The following ATAD2 variants were observed in gnomAD, a reference collection of about 807,000 sequenced individuals.
ATAD2 encodes ATPase family AAA domain-containing protein 2.
Under a neutral mutation model 168.9 loss-of-function variants are expected in ATAD2, and 62 were observed. The ratio of observed to expected loss-of-function variants is 0.37; its 90% CI spans 0.30 to 0.45. ATAD2 has a LOEUF of 0.45. ATAD2 is among the 20% of genes least tolerant of loss of function. The pLI is 1.00. For synonymous variants in ATAD2, 613 were observed against 571.6 expected, an observed-to-expected ratio of 1.07 and a Z score of -1.03; for missense variants, 1,419 against 1,667.8, an observed-to-expected ratio of 0.85 and a Z score of 2.60.
At chr8:123,358,020 T>C (rs1402433989) in intron 11 of ATAD2, among the ~76,000 whole-genome samples, 1 of 152,232 alleles carries the variant, frequency 6.6e-6, no homozygotes, top group African/African-American at 2.4e-5. Flanking sequence ...TGTAATCACA[T>C]ATCACAATCA....
chr8:123,348,801 A>G (rs994810996), intron 14 of ATAD2, among the ~76,000 whole-genome samples: 16 of 152,346 alleles, frequency 1.1e-4, no homozygotes, highest in Admixed American at 8.5e-4. Flanking sequence ...TTATAGCACT[A>G]AAGTTATATT....
At chr8:123,335,685 T>C (rs1827895176) in intron 22 of ATAD2, among the ~76,000 whole-genome samples, 1 of 152,180 alleles carries the variant, frequency 6.6e-6, no homozygotes, top group Non-Finnish European at 1.5e-5. Context: ...ACATTTTATT[T>C]TTAAAAATTT....
At chr8:123,391,158 A>G (rs1343966687) in intron 1 of ATAD2, among the ~76,000 whole-genome samples, 1 of 152,160 alleles carries the variant, frequency 6.6e-6, no homozygotes. Context: ...CAGACCTTAG[A>G]AAACAAAGAA....
In ATAD2 at chr8:123,390,695, T is replaced by C. The variant is rs568225866; in HGVS notation, c.171+5492A>G. 2.0e-5 allele frequency among the ~76,000 whole-genome samples: 3 copies of C among 152,328 alleles called. No individual in the cohort carries two copies. The East Asian group carries it at 5.8e-4, about 29-fold the overall frequency. ...AGTACCTTCTACATACTGCAGAATG[T>C]TCTATTTTACCTAACACACAGAAAA... On this transcript the variant is annotated intron_variant, in intron 1 of 27. Coordinates refer to ENST00000287394, the MANE Select transcript of ATAD2 (RefSeq NM_014109.4).
chr8:123,415,953 T>C (rs1033287338), intron 1 of ATAD2, among the ~76,000 whole-genome samples: 1 of 152,186 alleles, frequency 6.6e-6, no homozygotes, highest in Non-Finnish European at 1.5e-5. Flanking sequence ...TTGAACAAAA[T>C]ATATGATTAA....
Position 123,332,858 on chromosome 8 carries a change from T to A in ATAD2, c.3478+1020A>T, listed in dbSNP as rs13278906. Among the ~76,000 whole-genome samples the A allele has an allele frequency of 4.5e-4, 4 of 8,914 alleles. No homozygotes were observed. The Non-Finnish European group carries it at 0.037, about 83-fold the overall frequency. 5.8% of individuals were successfully genotyped at this position (8,914 alleles called of 152,430 possible). Reference sequence around the variant, plus strand: ...GGAGCCAATTTCCATATATATATATTCTTGCTTAAAGCTGATTTGACTGTC... The same window carrying A: ...GGAGCCAATTTCCATATATATATATACTTGCTTAAAGCTGATTTGACTGTC... On this transcript the variant is annotated intron_variant, in intron 24 of 27. Transcript: ENST00000287394.
chr8:123,396,141 T>TC (rs1563868309), intron 1 of ATAD2, 46 bp downstream of exon 1: 28 of 1,500,014 alleles, frequency 1.9e-5, no homozygotes, highest in East Asian at 2.6e-5. Context: ...CTGCCGGCAG[T>TC]CCCCCCGGGA....
chr8:123,380,704 T>C (rs746973033), intron 1 of ATAD2, 27 bp from the exon 2 acceptor site: 5 of 1,588,308 alleles, frequency 3.1e-6, no homozygotes, highest in Non-Finnish European at 4.3e-6. Context: ...GAAAGCCATC[T>C]AAGTTTTTCT....
chr8:123,373,559 C>T (rs538726633), intron 2 of ATAD2, among the ~76,000 whole-genome samples: 47 of 151,554 alleles, frequency 3.1e-4, no homozygotes, highest in African/African-American at 9.9e-4. Flanking sequence ...GAGGTTGAGA[C>T]GGGTGGATCA....
intron 2 of ATAD2, 88 bp from the exon 3 acceptor site, chr8:123,372,774 C>G (rs1829186033): frequency 1.5e-5 from 16 of 1,097,378 alleles, no homozygotes; most frequent in Non-Finnish European, 1.9e-5. Flanking sequence ...CATCGTCCAA[C>G]AGGAGTGCAG....
intron 22 of ATAD2, among the ~76,000 whole-genome samples, chr8:123,336,027 T>C (rs1333386205): frequency 1.3e-5 from 2 of 152,194 alleles, no homozygotes; most frequent in African/African-American, 4.8e-5. Flanking sequence ...ACTATTTCAT[T>C]ACAGAGTGCC....
intron 20 of ATAD2, among the ~76,000 whole-genome samples, chr8:123,338,824 G>A (rs1233018298): frequency 2.0e-5 from 3 of 152,142 alleles, no homozygotes; most frequent in Non-Finnish European, 4.4e-5. Context: ...CTTGAGCCCA[G>A]GAGGTTGAGG....
Position 123,369,936 on chromosome 8 carries a change from A to ATCATCATCG in ATAD2, c.807_815dup (p.Asp275_Asp277dup), listed in dbSNP as rs770840944. The ATCATCATCG allele has an allele frequency of 1.3e-5, 21 of 1,576,312 alleles. No individual in the cohort carries two copies. Among genetic ancestry groups the ATCATCATCG allele is most frequent in the Middle Eastern group, 1.7e-4 (1 of 5,990 alleles). ...CATCATCTTCATCATCATCATCATCATCATCATCGTCATCATCATCATCAT... is the reference window on the plus strand; with the variant it reads ...CATCATCTTCATCATCATCATCATCATCATCATCGTCATCATCGTCATCATCATCATCAT... On this transcript the variant is annotated inframe_insertion, in exon 7 of 28. Transcript: ENST00000287394.
chr8:123,326,587 A>G (rs1827622120), intron 25 of ATAD2, among the ~76,000 whole-genome samples: 1 of 152,028 alleles, frequency 6.6e-6, no homozygotes, highest in Admixed American at 6.6e-5. Flanking sequence ...CTGAGGTTTG[A>G]GGATCGTTTG....
intron 2 of ATAD2, among the ~76,000 whole-genome samples, chr8:123,379,425 A>C (rs1212870192): frequency 6.6e-6 from 1 of 152,200 alleles, no homozygotes; most frequent in East Asian, 1.9e-4. Flanking sequence ...CCACAAGCTA[A>C]GTTATAGTCA....
At chr8:123,378,078 T>C (rs1297165416) in intron 2 of ATAD2, among the ~76,000 whole-genome samples, 2 of 152,176 alleles carry the variant, frequency 1.3e-5, no homozygotes, top group Non-Finnish European at 2.9e-5. Context: ...ATTTCAGAAA[T>C]ATCAGGCTGG....
intron 26 of ATAD2, among the ~76,000 whole-genome samples, chr8:123,323,870 G>A (rs895039284): frequency 2.0e-5 from 3 of 152,060 alleles, no homozygotes; most frequent in Non-Finnish European, 4.4e-5. Flanking sequence ...ATTTTGATGG[G>A]TTATATGATC....
chr8:123,373,887 A>C (rs1251370490), intron 2 of ATAD2, among the ~76,000 whole-genome samples: 1 of 152,062 alleles, frequency 6.6e-6, no homozygotes, highest in Non-Finnish European at 1.5e-5. Flanking sequence ...TGCATCTGTT[A>C]ATCAACCTAT....
At chr8:123,356,271 A>T in intron 13 of ATAD2, 118 bp downstream of exon 13, 1 of 759,614 alleles carries the variant, frequency 1.3e-6, no homozygotes, top group Admixed American at 3.0e-5. Flanking sequence ...TTCTACTACC[A>T]AAAAAAGGAA....
Sources: allele counts gnomAD v4.1 joint callset (sites outside exome capture counted in the v4.1 genomes callset), GRCh38; gene constraint gnomAD v4.1.1; transcripts MANE v1.5; gene names NCBI Gene and HGNC (gene_info 2026-07-23, HGNC 2026-07-21).